FHDC1: variants seen among roughly 807,000 people sequenced by gnomAD.
FHDC1 encodes FH2 domain-containing protein 1.
Under a neutral mutation model 52.6 loss-of-function variants are expected in FHDC1, and 25 were observed. The ratio of observed to expected loss-of-function variants is 0.48; its 90% CI spans 0.35 to 0.66. The LOEUF is 0.66. FHDC1 is among the 30% of genes least tolerant of loss of function. The pLI, the probability that FHDC1 is intolerant of heterozygous loss-of-function variation, is 0.01. For missense variants in FHDC1, 1,459 were observed against 1,452.8 expected, an observed-to-expected ratio of 1.00 and a Z score of -0.07; for synonymous variants, 616 against 581.5, an observed-to-expected ratio of 1.06 and a Z score of -0.85.
chr4:152,955,179 A>T (rs1740047233), intron 4 of FHDC1, among the ~76,000 whole-genome samples: 1 of 152,212 alleles, frequency 6.6e-6, no homozygotes, highest in East Asian at 1.9e-4. Flanking sequence ...AACTGTTAAT[A>T]AAATCTTGTC....
chr4:152,969,599 C>T (rs1740570654), intron 10 of FHDC1, among the ~76,000 whole-genome samples: 1 of 152,078 alleles, frequency 6.6e-6, no homozygotes, highest in Non-Finnish European at 1.5e-5. Context: ...TCTGACTTAG[C>T]CTCACCTCTG....
In FHDC1 at chr4:152,976,375, A is replaced by G. The variant is rs370481366; in HGVS notation, c.3084A>G (p.Glu1028=). The change falls in exon 12 of 12, where the codon GAA becomes GAG. Residue 1028 remains glutamate, a synonymous_variant. Transcript: ENST00000511601. ...CGTCAGTGCCCAGCGTCCCCCACGA[A>G]CTACCCCGTGTCCCGAGCTTTGCCC... ...KTPSVPSVPH[E]LPRVPSFARN... The G allele has an allele frequency of 2.5e-6, 4 of 1,613,746 alleles. No individual in the cohort carries two copies. In the African/African-American group the frequency reaches 5.3e-5, roughly 22 times the overall value.
chr4:152,943,104 G>A lies in FHDC1; in HGVS notation c.47G>A (p.Gly16Glu). 6.2e-7 allele frequency: 1 copy of A among 1,613,852 alleles called. No individual in the cohort carries two copies. The highest frequency in any genetic ancestry group is 2.2e-5 in the East Asian group (1 of 44,868). The change falls in exon 2 of 12, where the codon GGG (glycine) becomes GAG (glutamate). Residue 16 changes from glycine (G) to glutamate (E), a missense_variant. This residue lies in a region of FHDC1 where 513 missense variants were observed against 581.5 expected (regional missense o/e 0.88). Transcript: ENST00000511601. ...CVSLVSDKEN[G>E]NIATAPGFMI... The stretch of plus-strand genomic sequence containing the variant: ...TCCTTGGTCAGTGATAAAGAAAATG[G>A]GAATATTGCCACAGCACCTGGATTC...
chr4:152,953,349 T>C, intron 2 of FHDC1, 150 bp from the exon 3 acceptor site: 2 of 622,156 alleles, frequency 3.2e-6, no homozygotes, highest in Non-Finnish European at 5.6e-6. Context: ...TAAAACTATG[T>C]TAGGAATATC....
the FHDC1 span, among the ~76,000 whole-genome samples, chr4:152,921,436 T>C: frequency 6.6e-6 from 1 of 152,152 alleles, no homozygotes; most frequent in East Asian, 1.9e-4. Context: ...AGATTACTTA[T>C]GAAAACTGTG....
chr4:152,976,694 G>A lies in FHDC1; in HGVS notation c.3403G>A (p.Gly1135Arg), dbSNP rs867445748. 1 of 1,510,856 alleles carries A rather than the reference G, an allele frequency of 6.6e-7. No homozygotes were observed. The highest frequency in any genetic ancestry group is 8.9e-7 in the Non-Finnish European group (1 of 1,129,016). The allele number at this position is 1,510,856 out of a possible 1,614,324, so 93.6% of individuals were successfully genotyped here. The change falls in exon 12 of 12, where the codon GGG becomes AGG. Residue 1135 changes from glycine (G) to arginine (R), a missense_variant. Transcript: ENST00000511601. ...GAAGGACTCCAGTCGGACCACGCTGGGGAGAATCCTCAATCCCTTACGGAA... is the reference window on the plus strand; with the variant it reads ...GAAGGACTCCAGTCGGACCACGCTGAGGAGAATCCTCAATCCCTTACGGAA... Reference protein sequence around the residue: ...RRKDSSRTTLGRILNPLRK With the variant: ...RRKDSSRTTLRRILNPLRK
At chr4:152,914,171 A>G in the FHDC1 span, among the ~76,000 whole-genome samples, 2 of 152,216 alleles carry the variant, frequency 1.3e-5, no homozygotes, top group Non-Finnish European at 2.9e-5. Flanking sequence ...TTTTTACAGT[A>G]TAGCAGGACC....
intron 2 of FHDC1, among the ~76,000 whole-genome samples, chr4:152,950,600 C>T (rs1355470881): frequency 2.0e-5 from 3 of 152,208 alleles, no homozygotes; most frequent in Non-Finnish European, 4.4e-5. Context: ...GTTGGGGCAC[C>T]GTGGGCTGCT....
chr4:152,939,127 T>A (rs1383900116), intron 1 of FHDC1, among the ~76,000 whole-genome samples: 1 of 152,208 alleles, frequency 6.6e-6, no homozygotes, highest in Non-Finnish European at 1.5e-5. Flanking sequence ...GTCGCCACGC[T>A]GGAGTGCTGT....
chr4:152,929,345 T>C, the FHDC1 span, among the ~76,000 whole-genome samples: 2 of 152,326 alleles, frequency 1.3e-5, no homozygotes, highest in African/African-American at 4.8e-5. The surrounding 1 kb of genome is among the most constrained non-coding windows in gnomAD (Gnocchi z 4.1). Context: ...AGCACAGATA[T>C]GCATTTGTCT....
rs1317807357 is a variant in FHDC1, at chr4:152,942,997, T to C, written c.-61T>C. On this transcript the variant is annotated 5_prime_UTR_variant, in exon 2 of 12. Transcript: ENST00000511601. Reference sequence around the variant, plus strand: ...GCAGGTGAAAAAGTGCTACACAAGTTTGATGTTTGTGTCTTCTTCTCCAAG... The same window carrying C: ...GCAGGTGAAAAAGTGCTACACAAGTCTGATGTTTGTGTCTTCTTCTCCAAG... 6.5e-7 allele frequency: 1 copy of C among 1,537,816 alleles called. No individual in the cohort carries two copies. Among genetic ancestry groups the C allele is most frequent in the African/African-American group, 1.4e-5 (1 of 73,188 alleles).
intron 3 of FHDC1, among the ~76,000 whole-genome samples, chr4:152,953,762 G>GA (rs1425868694): frequency 6.6e-6 from 1 of 152,220 alleles, no homozygotes; most frequent in East Asian, 1.9e-4. Flanking sequence ...AGTATATGGA[G>GA]AATTGCCCCA....
upstream of FHDC1, among the ~76,000 whole-genome samples, chr4:152,933,961 T>A (rs2149929971): frequency 6.6e-6 from 1 of 152,162 alleles, no homozygotes; most frequent in African/African-American, 2.4e-5. Flanking sequence ...AACAGTGACC[T>A]GACAGCAGTT....
the FHDC1 span, among the ~76,000 whole-genome samples, chr4:152,916,832 T>C: frequency 6.6e-6 from 1 of 152,238 alleles, no homozygotes; most frequent in African/African-American, 2.4e-5. Flanking sequence ...AAAAATAGTT[T>C]AGGATATGAC....
Position 152,945,700 on chromosome 4 carries a change from G to A in FHDC1, c.498+2145G>A, listed in dbSNP as rs578020437. On this transcript the variant is annotated intron_variant, in intron 2 of 11. Coordinates refer to ENST00000511601, the MANE Select transcript of FHDC1 (RefSeq NM_001371116.1). ...TCGAACTCCTGACCTCAAGTTATCCGCCCACCTCGGCCTCCCAAAGTGCTG... is the reference window on the plus strand; with the variant it reads ...TCGAACTCCTGACCTCAAGTTATCCACCCACCTCGGCCTCCCAAAGTGCTG... Among the ~76,000 whole-genome samples the A allele has an allele frequency of 3.3e-5, 5 of 152,206 alleles. No individual in the cohort carries two copies. In the East Asian group the frequency reaches 7.7e-4, roughly 23 times the overall value.
At chr4:152,972,238 G>C (rs1740659198) in intron 10 of FHDC1, 139 bp from the exon 11 acceptor site, 1 of 793,528 alleles carries the variant, frequency 1.3e-6, no homozygotes, top group Non-Finnish European at 1.9e-6. Context: ...TGATTGCATT[G>C]GCCTTGCAAT....
intron 4 of FHDC1, among the ~76,000 whole-genome samples, chr4:152,958,918 A>G (rs943866284): frequency 6.6e-6 from 1 of 152,250 alleles, no homozygotes; most frequent in African/African-American, 2.4e-5. Context: ...AAAAGAAGAA[A>G]ATAGTCTTAA....
the FHDC1 span, among the ~76,000 whole-genome samples, chr4:152,922,481 G>C: frequency 6.6e-6 from 1 of 151,696 alleles, no homozygotes; most frequent in Non-Finnish European, 1.5e-5. Context: ...AATAGAAAAA[G>C]AGGGAATCCT....
chr4:152,960,522 C>T (rs371561970), intron 4 of FHDC1, 43 bp from the exon 5 acceptor site: 62 of 1,451,732 alleles, frequency 4.3e-5, no homozygotes, highest in Non-Finnish European at 5.2e-5. Flanking sequence ...AAATTGTATT[C>T]GTAAGTGATT....
Sources: gnomAD v4.1 joint callset for allele counts (sites outside exome capture counted in the v4.1 genomes callset) on GRCh38, gnomAD v4.1.1 for gene constraint, gnomAD v4.1.1 regional missense constraint, Gnocchi (gnomAD v3.1) non-coding constraint, MANE v1.5 for transcripts, NCBI Gene and HGNC (gene_info 2026-07-23, HGNC 2026-07-21) for gene names.